The following TRABD2A variants were observed in gnomAD, a reference collection of about 807,000 sequenced individuals.
The protein encoded by TRABD2A is TraB domain containing 2A, also known as metalloprotease TIKI1.
In TRABD2A, 43 loss-of-function variants were observed where a neutral mutation model predicts 45.6. The observed-to-expected ratio is 0.94, with a 90% CI of 0.74 to 1.22. The LOEUF (loss-of-function observed/expected upper bound fraction) is 1.22. Ranked by LOEUF, TRABD2A falls within the 50% of genes most tolerant of loss-of-function variation. TRABD2A has a pLI of 0.00. For synonymous variants in TRABD2A, 269 were observed against 265.0 expected (o/e 1.02, Z -0.15); for missense variants, 642 against 652.4 (o/e 0.98, Z 0.17).
intron 5 of TRABD2A, among the ~76,000 whole-genome samples, chr2:84,828,800 GAAGA>G (rs1332656058): frequency 1.3e-5 from 2 of 152,212 alleles, no homozygotes; most frequent in South Asian, 2.1e-4. Flanking sequence ...GAAGGCTCTA[GAAGA>G]AAGAGAGAGC....
In TRABD2A at chr2:84,823,983, A is replaced by C; in HGVS notation, c.1304T>G (p.Phe435Cys). ...CTCCAGGCGGACCCACAGATCGCTG[A>C]ATTGCCGGAGTCGCGGCCTCCGCTG... ...RSQRRPRLRQ[F>C]SDLWVRLEES... The change falls in exon 6 of 7, where the codon TTC (phenylalanine) becomes TGC (cysteine). Residue 435 changes from phenylalanine (F) to cysteine (C), a missense_variant. Physicochemically the swap from Phe to Cys is radical, Grantham distance 205 (BLOSUM62 -2). Coordinates refer to ENST00000409520, the MANE Select transcript of TRABD2A (RefSeq NM_001277053.2). The C allele has an allele frequency of 6.2e-7, 1 of 1,613,884 alleles. No homozygotes were observed. Among genetic ancestry groups the C allele is most frequent in the Non-Finnish European group, 8.5e-7 (1 of 1,179,874 alleles).
intron 5 of TRABD2A, among the ~76,000 whole-genome samples, chr2:84,829,888 C>T (rs1373808289): frequency 6.6e-6 from 1 of 150,936 alleles, no homozygotes; most frequent in Non-Finnish European, 1.5e-5. Context: ...CACACACACA[C>T]ATACACCCCA....
At chr2:84,855,467 C>T (rs937773284) in intron 2 of TRABD2A, among the ~76,000 whole-genome samples, 4 of 152,064 alleles carry the variant, frequency 2.6e-5, no homozygotes, top group African/African-American at 7.2e-5. Context: ...TCAGTCTAAC[C>T]ATAATCATGG....
chr2:84,841,732 C>T, intron 3 of TRABD2A, 129 bp downstream of exon 3: 1 of 1,033,384 alleles, frequency 9.7e-7, no homozygotes, highest in Non-Finnish European at 1.3e-6. Flanking sequence ...ACATCTAAAT[C>T]TGCCCACTTT....
chr2:84,857,775 A>G (rs532983129), intron 2 of TRABD2A, among the ~76,000 whole-genome samples: 1 of 152,106 alleles, frequency 6.6e-6, no homozygotes, highest in African/African-American at 2.4e-5. Context: ...AACCTCCAAC[A>G]CCACTGCCAG....
At chr2:84,879,400 T>C (rs1427118821) in intron 1 of TRABD2A, among the ~76,000 whole-genome samples, 1 of 152,154 alleles carries the variant, frequency 6.6e-6, no homozygotes, top group Non-Finnish European at 1.5e-5. Context: ...CAGGCTGGTC[T>C]GCAACTCCTG....
chr2:84,842,147 C>T (rs972032675), intron 2 of TRABD2A, 140 bp from the exon 3 acceptor site: 1 of 877,832 alleles, frequency 1.1e-6, no homozygotes. Context: ...AAAAAGGGAA[C>T]ACAAATCCCT....
intron 5 of TRABD2A, 57 bp downstream of exon 5, chr2:84,831,997 CA>C: frequency 6.3e-7 from 1 of 1,587,358 alleles, no homozygotes; most frequent in South Asian, 1.1e-5. Context: ...CCCTGGTGCC[CA>C]GGCAGCCCCA....
chr2:84,832,307 A>G (rs1359311653), intron 4 of TRABD2A, 162 bp from the exon 5 acceptor site: 1 of 653,934 alleles, frequency 1.5e-6, no homozygotes, highest in East Asian at 2.8e-5. Context: ...GCCTGCCAAC[A>G]GTCCTGCAAG....
At chr2:84,857,453 A>C (rs1479041773) in intron 2 of TRABD2A, among the ~76,000 whole-genome samples, 1 of 152,152 alleles carries the variant, frequency 6.6e-6, no homozygotes, top group Non-Finnish European at 1.5e-5. Flanking sequence ...AGCACAATAA[A>C]GCTAATAACC....
chr2:84,864,751 GAGAATATGC>G (rs1481410105), intron 2 of TRABD2A, among the ~76,000 whole-genome samples: 1 of 152,180 alleles, frequency 6.6e-6, no homozygotes, highest in East Asian at 1.9e-4. Context: ...GCACTGATGT[GAGAATATGC>G]AGAAACCTGC....
chr2:84,869,309 G>C (rs1019119511), intron 2 of TRABD2A, among the ~76,000 whole-genome samples: 17 of 152,086 alleles, frequency 1.1e-4, no homozygotes, highest in Admixed American at 1.0e-3. Context: ...GACTCCCATT[G>C]GTCTCCAGAA....
chr2:84,870,461 T>C lies in TRABD2A; in HGVS notation c.433A>G (p.Lys145Glu), dbSNP rs377468049. Reference sequence around the variant, plus strand: ...AAGAGGTAGTCTGCGTAGAGCCCCTTGCCGCGCTGGTCTGGGGTCATCCAC... The same window carrying C: ...AAGAGGTAGTCTGCGTAGAGCCCCTCGCCGCGCTGGTCTGGGGTCATCCAC... Reference protein sequence around the residue: ...PLWMTPDQRGKGLYADYLFNA... With the variant: ...PLWMTPDQRGEGLYADYLFNA... The change falls in exon 2 of 7, where the codon AAG becomes GAG. Residue 145 changes from lysine to glutamate, a missense_variant. Physicochemically the swap from Lys to Glu is moderately conservative, Grantham distance 56 (BLOSUM62 1). Coordinates refer to ENST00000409520, the MANE Select transcript of TRABD2A (RefSeq NM_001277053.2). 60 of 1,613,904 alleles carry C rather than the reference T, an allele frequency of 3.7e-5. No homozygotes were observed. Among genetic ancestry groups the C allele is most frequent in the Non-Finnish European group, 4.9e-5 (58 of 1,179,884 alleles).
chr2:84,868,763 C>T (rs1228825731), intron 2 of TRABD2A, among the ~76,000 whole-genome samples: 1 of 152,132 alleles, frequency 6.6e-6, no homozygotes, highest in Non-Finnish European at 1.5e-5. Flanking sequence ...AGCTTTTTTT[C>T]CCCAATTGGG....
Position 84,841,912 on chromosome 2 carries a change from G to A in TRABD2A, c.765C>T (p.His255=). ...IPYTTEDLIK[H]YNCGDLSSVI... is the part of the protein sequence containing the mutation. ...CGGAGCTGAGGTCCCCGCAGTTATA[G>A]TGTTTGATGAGATCCTCCGTCGTGT... Residue 255 remains histidine (H), a synonymous_variant, in exon 3 of 7, where the codon CAC becomes CAT. Transcript: ENST00000409520. The A allele has an allele frequency of 3.2e-6, 5 of 1,548,702 alleles. No individual in the cohort carries two copies. The highest frequency in any genetic ancestry group is 4.4e-6 in the Non-Finnish European group (5 of 1,146,466).
intron 2 of TRABD2A, among the ~76,000 whole-genome samples, chr2:84,853,102 G>C (rs1053344382): frequency 6.6e-6 from 1 of 151,944 alleles, no homozygotes; most frequent in African/African-American, 2.4e-5. Context: ...AGATCATTAG[G>C]GTGGGTTCTA....
chr2:84,832,236 C>T, intron 4 of TRABD2A, 91 bp from the exon 5 acceptor site: 2 of 1,325,006 alleles, frequency 1.5e-6, no homozygotes, highest in Admixed American at 3.6e-5. Flanking sequence ...AGAAATTACC[C>T]TGCCAAGCCC....
At chr2:84,822,848 A>C (rs1425171293) in intron 6 of TRABD2A, among the ~76,000 whole-genome samples, 1 of 152,064 alleles carries the variant, frequency 6.6e-6, no homozygotes, top group Non-Finnish European at 1.5e-5. Flanking sequence ...ATGGCTCCCT[A>C]CTTCCCTCCG....
Position 84,830,505 on chromosome 2 carries a change from C to T in TRABD2A, c.1082+1550G>A, listed in dbSNP as rs80187341. ...TAGGACACTGGAAAGAATAGTCCCA[C>T]AGAAGGGCGAAGAGTGAACCAGAGG... On this transcript the variant is annotated intron_variant, in intron 5 of 6. Coordinates refer to ENST00000409520, the MANE Select transcript of TRABD2A (RefSeq NM_001277053.2). The surrounding 1 kb of genome is among the most constrained non-coding windows in gnomAD (Gnocchi z 4.9). 4.7e-3 allele frequency among the ~76,000 whole-genome samples: 711 copies of T among 152,248 alleles called. 5 individuals are homozygous for T. Among genetic ancestry groups the T allele is most frequent in the African/African-American group, 0.016 (664 of 41,520 alleles).
Sources: gnomAD v4.1 joint callset for allele counts (sites outside exome capture counted in the v4.1 genomes callset) on GRCh38, gnomAD v4.1.1 for gene constraint, Gnocchi (gnomAD v3.1) non-coding constraint, MANE v1.5 for transcripts, NCBI Gene and HGNC (gene_info 2026-07-23, HGNC 2026-07-21) for gene names.